The following GRIA1 variants were observed in gnomAD, a reference collection of about 807,000 sequenced individuals.
GRIA1 encodes the protein glutamate ionotropic receptor AMPA type subunit 1.
In GRIA1, 31 loss-of-function variants were observed where a neutral mutation model predicts 99.2. The ratio of observed to expected loss-of-function variants is 0.31; its 90% confidence interval spans 0.23 to 0.42. GRIA1 has a LOEUF of 0.42. Ranked by LOEUF, GRIA1 falls within the 10% of genes least tolerant of loss-of-function variation. The pLI is 1.00. For synonymous variants in GRIA1, 438 were observed against 432.4 expected, an observed-to-expected ratio of 1.01 and a Z score of -0.16; for missense variants, 782 against 1,157.5, an observed-to-expected ratio of 0.68 and a Z score of 4.71.
chr5:153,758,237 A>T lies in GRIA1; in HGVS notation c.1824-6197A>T, dbSNP rs527690295. On this transcript the variant is annotated intron_variant, in intron 11 of 15. Coordinates refer to ENST00000285900, the MANE Select transcript of GRIA1 (RefSeq NM_000827.4). ...TACCTGAAATGTAATTGCTTAAATT[A>T]TCCAATTAAAAGACATAGCGTGGCT... 1.5e-4 allele frequency among the ~76,000 whole-genome samples: 23 copies of T among 152,180 alleles called. 1 individual carries two copies. The South Asian group carries it at 4.8e-3, about 31-fold the overall frequency.
intron 7 of GRIA1, among the ~76,000 whole-genome samples, chr5:153,684,382 C>T (rs1029191642): frequency 6.6e-6 from 1 of 152,158 alleles, no homozygotes; most frequent in Admixed American, 6.5e-5. Context: ...TTAGAACAAC[C>T]TTAAGACATA....
chr5:153,592,681 A>G (rs1435363367), intron 2 of GRIA1, among the ~76,000 whole-genome samples: 1 of 151,976 alleles, frequency 6.6e-6, no homozygotes, highest in Non-Finnish European at 1.5e-5. Flanking sequence ...TTCTTCTGAT[A>G]TTTTACCTTT....
intron 11 of GRIA1, among the ~76,000 whole-genome samples, chr5:153,739,088 CAA>C (rs34623069): frequency 1.4e-4 from 19 of 139,370 alleles, no homozygotes; most frequent in Non-Finnish European, 1.4e-4. Context: ...GGGATTTCTC[CAA>C]AAAAAAAAAA....
chr5:153,630,039 T>C (rs1260965056), intron 2 of GRIA1, among the ~76,000 whole-genome samples: 1 of 152,188 alleles, frequency 6.6e-6, no homozygotes, highest in Non-Finnish European at 1.5e-5. Flanking sequence ...GGGGTTTGAA[T>C]TGTAGCTCCA....
chr5:153,790,940 C>T (rs185297439), intron 13 of GRIA1, among the ~76,000 whole-genome samples: 1 of 152,220 alleles, frequency 6.6e-6, no homozygotes, highest in East Asian at 1.9e-4. Context: ...ATTTTTTAAT[C>T]ACATTCACAT....
intron 2 of GRIA1, among the ~76,000 whole-genome samples, chr5:153,603,553 T>G (rs1038327049): frequency 1.3e-5 from 2 of 152,212 alleles, no homozygotes; most frequent in African/African-American, 4.8e-5. Context: ...GTTACCAGTA[T>G]TTATTGAGTG....
rs530446881 is a variant in GRIA1 at position 153,640,251 on chromosome 5, A to ATGACC, written c.221-6674_221-6670dup. On this transcript the variant is annotated intron_variant, in intron 2 of 15. Coordinates refer to ENST00000285900, the MANE Select transcript of GRIA1 (RefSeq NM_000827.4). ...CATGCTTAATAATAAATACACAAAT[A>ATGACC]TGACCTGGGAGGATGGCTTTTCTTC... is the stretch of plus-strand genomic sequence containing the variant. Among the ~76,000 whole-genome samples the ATGACC allele has an allele frequency of 8.1e-3, 1,237 of 152,314 alleles. 51 individuals are homozygous for ATGACC. Among genetic ancestry groups the ATGACC allele is most frequent in the Admixed American group, 0.074 (1,136 of 15,298 alleles).
intron 7 of GRIA1, among the ~76,000 whole-genome samples, chr5:153,681,532 G>A (rs768308953): frequency 6.6e-6 from 1 of 152,168 alleles, no homozygotes; most frequent in African/African-American, 2.4e-5. Flanking sequence ...GTACAAGAAA[G>A]GACTTGCACA....
At chr5:153,623,027 A>G (rs1257434774) in intron 2 of GRIA1, among the ~76,000 whole-genome samples, 2 of 152,224 alleles carry the variant, frequency 1.3e-5, no homozygotes, top group African/African-American at 2.4e-5. Flanking sequence ...TAGGATAACT[A>G]TACTCTAGAT....
intron 11 of GRIA1, 150 bp from the exon 12 acceptor site, chr5:153,764,284 T>C: frequency 1.6e-6 from 1 of 639,772 alleles, no homozygotes; most frequent in Non-Finnish European, 2.8e-6. Context: ...TCTAACAACA[T>C]TTGAATTCTC....
At chr5:153,736,517 C>T (rs961918159) in intron 11 of GRIA1, among the ~76,000 whole-genome samples, 4 of 152,178 alleles carry the variant, frequency 2.6e-5, no homozygotes, top group Admixed American at 6.5e-5. Context: ...ATTCATAGTT[C>T]CTGTTTATCA....
intron 2 of GRIA1, among the ~76,000 whole-genome samples, chr5:153,637,671 T>C (rs1753470083): frequency 6.6e-6 from 1 of 152,112 alleles, no homozygotes; most frequent in Non-Finnish European, 1.5e-5. Context: ...GTAGGTGGAA[T>C]ACATTAAGGC....
intron 2 of GRIA1, among the ~76,000 whole-genome samples, chr5:153,514,997 A>G (rs1327968673): frequency 6.6e-6 from 1 of 152,214 alleles, no homozygotes; most frequent in Non-Finnish European, 1.5e-5. Flanking sequence ...AAACCCTTGT[A>G]TACTGTTGGA....
At chr5:153,591,978 G>A (rs1455073958) in intron 2 of GRIA1, among the ~76,000 whole-genome samples, 1 of 152,190 alleles carries the variant, frequency 6.6e-6, no homozygotes, top group Non-Finnish European at 1.5e-5. Flanking sequence ...GTGTGAGGAG[G>A]GAAAGCAAAT....
chr5:153,529,213 T>C (rs1757879428), intron 2 of GRIA1, among the ~76,000 whole-genome samples: 1 of 152,224 alleles, frequency 6.6e-6, no homozygotes, highest in Non-Finnish European at 1.5e-5. Context: ...TTATATTGTC[T>C]GACAGGGCTG....
chr5:153,599,341 TA>T (rs1764693503), intron 2 of GRIA1, among the ~76,000 whole-genome samples: 1 of 152,248 alleles, frequency 6.6e-6, no homozygotes, highest in South Asian at 2.1e-4. Flanking sequence ...GAAAGAAGTT[TA>T]ATTCACAATA....
chr5:153,725,332 G>A (rs1161396768), intron 11 of GRIA1, among the ~76,000 whole-genome samples: 1 of 151,256 alleles, frequency 6.6e-6, no homozygotes, highest in African/African-American at 2.4e-5. Flanking sequence ...GGAAGAAACT[G>A]CATCAACTAA....
chr5:153,539,440 T>A lies in GRIA1; in HGVS notation c.220+45375T>A, dbSNP rs368645073. ...AGCAGGAATAAAAGGAAATTTAAAA[T>A]GAATGTGCATACGCATTGTGAGTCT... On this transcript the variant is annotated intron_variant, in intron 2 of 15. Transcript: ENST00000285900. Among the ~76,000 whole-genome samples, 18 of 152,354 alleles carry A rather than the reference T, an allele frequency of 1.2e-4. No homozygotes were observed. In the East Asian group the frequency reaches 3.5e-3, roughly 29 times the overall value.
At chr5:153,551,214 G>A (rs1048019837) in intron 2 of GRIA1, among the ~76,000 whole-genome samples, 4 of 152,132 alleles carry the variant, frequency 2.6e-5, no homozygotes, top group South Asian at 2.1e-4. Flanking sequence ...GGCCTTGCTC[G>A]GTCATGCATA....
Sources: allele counts gnomAD v4.1 joint callset (sites outside exome capture counted in the v4.1 genomes callset), GRCh38; gene constraint gnomAD v4.1.1; transcripts MANE v1.5; gene names NCBI Gene and HGNC (gene_info 2026-07-23, HGNC 2026-07-21).